The following PRKG1 variants were observed in gnomAD, a reference collection of about 807,000 sequenced individuals.
The protein encoded by PRKG1 is protein kinase cGMP-dependent 1.
Under a neutral mutation model 88.1 loss-of-function variants are expected in PRKG1, and 35 were observed. The ratio of observed to expected loss-of-function variants is 0.40; its 90% CI spans 0.30 to 0.53. The LOEUF (loss-of-function observed/expected upper bound fraction) is 0.53. Ranked by LOEUF, PRKG1 falls within the 20% of genes least tolerant of loss-of-function variation. The probability of loss-of-function intolerance (pLI) is 0.59; values close to 1 mark genes in which losing one functional copy is unlikely to be tolerated. For missense variants in PRKG1, 540 were observed against 839.8 expected (o/e 0.64, Z 4.41); for synonymous variants, 303 against 292.5 (o/e 1.04, Z -0.37).
chr10:51,312,337 C>T (rs763796642), intron 2 of PRKG1, among the ~76,000 whole-genome samples: 2 of 152,178 alleles, frequency 1.3e-5, no homozygotes, highest in Admixed American at 6.5e-5. Flanking sequence ...ACAAAACTCT[C>T]ACTCAACATT....
chr10:51,223,085 A>G (rs1383916692), intron 2 of PRKG1, among the ~76,000 whole-genome samples: 2 of 151,986 alleles, frequency 1.3e-5, no homozygotes, highest in East Asian at 3.9e-4. Flanking sequence ...TAAACAATAG[A>G]GGAATATTAA....
chr10:52,057,262 G>A (rs1846133206), intron 6 of PRKG1, among the ~76,000 whole-genome samples: 1 of 152,128 alleles, frequency 6.6e-6, no homozygotes. Flanking sequence ...AAAGAGAGAA[G>A]CATTATAAAA....
chr10:51,865,945 G>A (rs1221419315), intron 4 of PRKG1, among the ~76,000 whole-genome samples: 1 of 151,738 alleles, frequency 6.6e-6, no homozygotes, highest in Non-Finnish European at 1.5e-5. Context: ...GTATTGTATT[G>A]GAATTTTTCA....
At chr10:51,078,559 T>G (rs1844023556) in intron 1 of PRKG1, among the ~76,000 whole-genome samples, 1 of 150,558 alleles carries the variant, frequency 6.6e-6, no homozygotes. Flanking sequence ...GCGAAGTACT[T>G]TGGAGGAGTT....
chr10:51,410,800 A>G (rs1721283701), intron 2 of PRKG1, among the ~76,000 whole-genome samples: 1 of 151,582 alleles, frequency 6.6e-6, no homozygotes, highest in South Asian at 2.1e-4. Flanking sequence ...TGTTAAATAT[A>G]AATAAAAGTT....
At chr10:52,066,629 A>G (rs986607394) in intron 7 of PRKG1, among the ~76,000 whole-genome samples, 1 of 152,216 alleles carries the variant, frequency 6.6e-6, no homozygotes, top group African/African-American at 2.4e-5. Context: ...ATAGGCTAGT[A>G]AAACAGGTGG....
rs576744721 is a variant in PRKG1, at chr10:51,837,587, G to A, written c.698+32897G>A. 1.6e-4 allele frequency among the ~76,000 whole-genome samples: 25 copies of A among 152,166 alleles called. No individual in the cohort carries two copies. The East Asian group carries it at 3.9e-3, about 24-fold the overall frequency. ...TTTATTCCCTCTCCATTGGGGTAAGGCCCATTGATTCTTCATCTACTCTGG... is the reference window on the plus strand; with the variant it reads ...TTTATTCCCTCTCCATTGGGGTAAGACCCATTGATTCTTCATCTACTCTGG... On this transcript the variant is annotated intron_variant, in intron 4 of 17. Transcript: ENST00000373980.
intron 2 of PRKG1, among the ~76,000 whole-genome samples, chr10:51,241,905 A>C (rs1184862683): frequency 6.6e-6 from 1 of 152,122 alleles, no homozygotes; most frequent in Non-Finnish European, 1.5e-5. Context: ...AGCAATATTT[A>C]GAACCCTGGA....
intron 3 of PRKG1, among the ~76,000 whole-genome samples, chr10:51,693,223 G>A (rs1841190400): frequency 6.7e-6 from 1 of 149,290 alleles, no homozygotes. Context: ...AGGAGGCAGA[G>A]GTTGCAGTGA....
intron 2 of PRKG1, among the ~76,000 whole-genome samples, chr10:51,284,865 C>CTTTTTTTTTTTTTTTTTTTTTTTAGTTT (rs5784867): frequency 3.9e-5 from 2 of 51,696 alleles, no homozygotes; most frequent in Admixed American, 3.0e-4. Context: ...GTTGTGGGTA[C>CTTTTTTTTTTTTTTTTTTTTTTTAGTTT]TTTTTTTTTT....
chr10:51,207,410 C>T (rs1394352527), intron 2 of PRKG1, among the ~76,000 whole-genome samples: 1 of 152,184 alleles, frequency 6.6e-6, no homozygotes, highest in Non-Finnish European at 1.5e-5. Flanking sequence ...AAGTCCTTCA[C>T]CAGCATCCCA....
intron 5 of PRKG1, among the ~76,000 whole-genome samples, chr10:51,945,410 A>G (rs1373621098): frequency 1.3e-5 from 2 of 150,684 alleles, no homozygotes; most frequent in South Asian, 2.1e-4. Flanking sequence ...TCTTTATCCA[A>G]TTTGCCAGTC....
At chr10:51,000,128 G>A (rs1842874015) in intron 1 of PRKG1, among the ~76,000 whole-genome samples, 1 of 152,136 alleles carries the variant, frequency 6.6e-6, no homozygotes, top group Non-Finnish European at 1.5e-5. Context: ...GTTTAACTGT[G>A]GTGCCATGAC....
intron 9 of PRKG1, among the ~76,000 whole-genome samples, chr10:52,163,691 T>C (rs10437353): frequency 0.48 from 73,344 of 152,030 alleles, 19,019 homozygotes; most frequent in African/African-American, 0.67. Flanking sequence ...CTCAGTGTCC[T>C]ATGGACTTTA....
At chr10:52,102,357 G>A (rs988741775) in intron 7 of PRKG1, among the ~76,000 whole-genome samples, 3 of 152,082 alleles carry the variant, frequency 2.0e-5, no homozygotes, top group Non-Finnish European at 2.9e-5. Context: ...ACCATATGCT[G>A]TGGAAAGAAT....
intron 1 of PRKG1, among the ~76,000 whole-genome samples, chr10:51,085,222 AT>A (rs1299943814): frequency 6.6e-6 from 1 of 152,236 alleles, no homozygotes; most frequent in East Asian, 1.9e-4. Flanking sequence ...TATCTTCCTA[AT>A]ACCTACGTTA....
chr10:51,892,249 A>C (rs1841740265), intron 4 of PRKG1, among the ~76,000 whole-genome samples: 3 of 152,218 alleles, frequency 2.0e-5, no homozygotes, highest in Admixed American at 2.0e-4. Context: ...TAGCAAATAA[A>C]GACTTTAATA....
chr10:51,737,753 A>AT (rs1267368460), intron 3 of PRKG1, among the ~76,000 whole-genome samples: 22 of 108,936 alleles, frequency 2.0e-4, no homozygotes, highest in South Asian at 1.1e-3. Flanking sequence ...TATTATTATT[A>AT]TTATTATTAT....
At chr10:51,501,790 CTTTT>C (rs5784871) in intron 3 of PRKG1, among the ~76,000 whole-genome samples, 14 of 113,770 alleles carry the variant, frequency 1.2e-4, no homozygotes, top group South Asian at 5.9e-4. Context: ...ACTTTAGTTT[CTTTT>C]TTTTTTTTTT....
Sources: gnomAD v4.1 joint callset for allele counts (sites outside exome capture counted in the v4.1 genomes callset) on GRCh38, gnomAD v4.1.1 for gene constraint, MANE v1.5 for transcripts, NCBI Gene and HGNC (gene_info 2026-07-23, HGNC 2026-07-21) for gene names.